Variants in CPED1 observed in about 807,000 individuals in gnomAD.
CPED1 encodes the protein cadherin like and PC-esterase domain containing 1.
In CPED1, 114 loss-of-function variants were observed where a neutral mutation model predicts 128.2. That is an observed-to-expected ratio of 0.89 (90% CI 0.76 to 1.04). CPED1 has a LOEUF of 1.04. Ranked by LOEUF, CPED1 falls within the 50% of genes least tolerant of loss-of-function variation. CPED1 has a pLI of 0.00. For missense variants in CPED1, 1,211 were observed against 1,207.1 expected (o/e 1.00, Z -0.05); for synonymous variants, 462 against 426.7 (o/e 1.08, Z -1.02).
At chr7:121,242,764 A>G (rs1192381183) in intron 17 of CPED1, among the ~76,000 whole-genome samples, 2 of 152,034 alleles carry the variant, frequency 1.3e-5, no homozygotes, top group Non-Finnish European at 2.9e-5. Context: ...AAGTTATTGT[A>G]TATTTTCTTT....
chr7:121,239,871 C>T (rs1798347239), intron 17 of CPED1, among the ~76,000 whole-genome samples: 1 of 152,128 alleles, frequency 6.6e-6, no homozygotes, highest in Non-Finnish European at 1.5e-5. Context: ...TTTCCTAAAA[C>T]ATATGTCACA....
chr7:120,989,903 T>G, intron 2 of CPED1, 33 bp downstream of exon 2: 1 of 1,611,312 alleles, frequency 6.2e-7, no homozygotes, highest in South Asian at 1.1e-5. Flanking sequence ...GGAGACAGTT[T>G]CTGCAAAGAC....
intron 5 of CPED1, among the ~76,000 whole-genome samples, chr7:121,085,869 C>T (rs920301014): frequency 6.6e-6 from 1 of 152,102 alleles, no homozygotes; most frequent in African/African-American, 2.4e-5. Context: ...GTTTAGTACC[C>T]CTGGGTTTTA....
chr7:121,058,068 TTGAGGAACGTAAGGA>T (rs1563008933), intron 4 of CPED1, among the ~76,000 whole-genome samples: 3 of 151,742 alleles, frequency 2.0e-5, no homozygotes, highest in African/African-American at 7.3e-5. Flanking sequence ...AAAGTCTTGG[TTGAGGAACGTAAGGA>T]GTTCCATGTG....
intron 18 of CPED1, among the ~76,000 whole-genome samples, chr7:121,248,946 G>A (rs1291222133): frequency 6.6e-6 from 1 of 152,130 alleles, no homozygotes; most frequent in Admixed American, 6.5e-5. Flanking sequence ...AATGATTCAA[G>A]AGTTCAAAGA....
intron 18 of CPED1, among the ~76,000 whole-genome samples, chr7:121,248,594 CAAAAA>C (rs36015608): frequency 3.0e-4 from 36 of 118,474 alleles, no homozygotes; most frequent in African/African-American, 1.2e-3. Context: ...CCCTGTGAAA[CAAAAA>C]AAAAAAAAAA....
intron 18 of CPED1, among the ~76,000 whole-genome samples, chr7:121,248,598 A>C (rs11980223): frequency 0.36 from 51,889 of 145,600 alleles, 11,239 homozygotes; most frequent in East Asian, 0.85. Flanking sequence ...GTGAAACAAA[A>C]AAAAAAAAAA....
rs567366198 is a variant in CPED1, at chr7:121,087,761, A to G, written c.617-9938A>G. Among the ~76,000 whole-genome samples, 64 of 150,128 alleles carry G rather than the reference A, an allele frequency of 4.3e-4. 1 individual carries two copies. Among genetic ancestry groups the G allele is most frequent in the Non-Finnish European group, 1.6e-4 (11 of 67,772 alleles). ...CTGCAACCTCTGCCTCCCGGGTTCA[A>G]GCAATTCTCTGCCTCAGCCTCCTGA... On this transcript the variant is annotated intron_variant, in intron 5 of 22. Coordinates refer to ENST00000310396, the MANE Select transcript of CPED1 (RefSeq NM_024913.5).
intron 5 of CPED1, among the ~76,000 whole-genome samples, chr7:121,092,654 G>A (rs1794600479): frequency 6.6e-6 from 1 of 152,178 alleles, no homozygotes; most frequent in African/African-American, 2.4e-5. Flanking sequence ...CTGCTTAAGA[G>A]GTGAAAGGGT....
intron 4 of CPED1, among the ~76,000 whole-genome samples, chr7:121,057,839 C>T (rs1291974880): frequency 4.6e-5 from 7 of 151,592 alleles, no homozygotes; most frequent in South Asian, 4.2e-4. Context: ...TATGGGTAGA[C>T]GGGGGAAAAT....
At chr7:121,117,936 A>G (rs78567723) in intron 7 of CPED1, among the ~76,000 whole-genome samples, 1 of 151,990 alleles carries the variant, frequency 6.6e-6, no homozygotes, top group Admixed American at 6.6e-5. Flanking sequence ...AAAAAAAAAA[A>G]AGAGAAAATT....
intron 22 of CPED1, among the ~76,000 whole-genome samples, chr7:121,287,195 A>G (rs1792598081): frequency 6.6e-6 from 1 of 152,130 alleles, no homozygotes; most frequent in Non-Finnish European, 1.5e-5. Flanking sequence ...TTTAAAGATC[A>G]TGAACCATGG....
chr7:121,043,267 G>C (rs1370180293), intron 3 of CPED1, among the ~76,000 whole-genome samples: 1 of 152,088 alleles, frequency 6.6e-6, no homozygotes, highest in Non-Finnish European at 1.5e-5. Flanking sequence ...AAAAAAAGAT[G>C]ATCAGAGACC....
intron 14 of CPED1, among the ~76,000 whole-genome samples, chr7:121,136,677 A>G (rs1339996327): frequency 2.6e-5 from 4 of 152,084 alleles, no homozygotes; most frequent in African/African-American, 9.7e-5. Context: ...GATTTTTCCA[A>G]AGTCACAGGG....
At chr7:121,106,643 C>T (rs1034223110) in intron 7 of CPED1, among the ~76,000 whole-genome samples, 20 of 152,016 alleles carry the variant, frequency 1.3e-4, no homozygotes, top group Admixed American at 5.9e-4. Context: ...TCAGCTCCTC[C>T]CCTTCACCTG....
intron 8 of CPED1, 121 bp from the exon 9 acceptor site, chr7:121,125,699 T>G: frequency 1.5e-6 from 1 of 682,514 alleles, no homozygotes; most frequent in South Asian, 1.7e-5. Flanking sequence ...ATTTTCTTTA[T>G]CCAGTCTATC....
chr7:121,119,550 G>A, intron 7 of CPED1, among the ~76,000 whole-genome samples: 1 of 151,200 alleles, frequency 6.6e-6, no homozygotes, highest in Non-Finnish European at 1.5e-5. Flanking sequence ...TTTTGGCCGG[G>A]CGCGGTGGCT....
chr7:121,203,154 A>G (rs1257941552), intron 16 of CPED1, among the ~76,000 whole-genome samples: 1 of 152,084 alleles, frequency 6.6e-6, no homozygotes, highest in African/African-American at 2.4e-5. Context: ...CTAAGTCTCA[A>G]CAGATTGTTA....
At position 121,099,928 on chromosome 7, in the gene CPED1, A is replaced by G. The variant is rs766825335; in HGVS notation, c.752A>G (p.Asn251Ser). Reference protein sequence around the residue: ...KPGDWSREQLNETTVLAPHET... With the variant: ...KPGDWSREQLSETTVLAPHET... The stretch of plus-strand genomic sequence containing the variant: ...ACTATGTTTTTTTTTTTTTTTAGGA[A>G]TGAAACGACAGTCCTTGCTCCACAT... The change falls in exon 7 of 23, where the codon AAT (asparagine) becomes AGT (serine). Residue 251 changes from asparagine (N) to serine (S), a missense_variant and splice_region_variant. Transcript: ENST00000310396. 1.9e-6 allele frequency: 3 copies of G among 1,599,886 alleles called. No individual in the cohort carries two copies. Among genetic ancestry groups the G allele is most frequent in the Non-Finnish European group, 2.6e-6 (3 of 1,175,630 alleles).
Sources: gnomAD v4.1 joint callset for allele counts (sites outside exome capture counted in the v4.1 genomes callset) on GRCh38, gnomAD v4.1.1 for gene constraint, MANE v1.5 for transcripts, NCBI Gene and HGNC (gene_info 2026-07-23, HGNC 2026-07-21) for gene names.